Variants in KCNIP1 observed in about 807,000 individuals in gnomAD.
KCNIP1 encodes the protein potassium voltage-gated channel interacting protein 1.
KCNIP1 carries 18 observed loss-of-function variants against 33.0 expected under a neutral mutation model. The ratio of observed to expected loss-of-function variants is 0.55; its 90% CI spans 0.38 to 0.81. The LOEUF (loss-of-function observed/expected upper bound fraction) is 0.81, where lower values mean the gene tolerates loss of function less well. Among genes scored for constraint, KCNIP1 ranks in the 30% least tolerant of loss-of-function variants. The pLI is 0.00. For missense variants in KCNIP1, 238 were observed against 271.6 expected, an observed-to-expected ratio of 0.88 and a Z score of 0.87; for synonymous variants, 93 against 98.3, an observed-to-expected ratio of 0.95 and a Z score of 0.32.
intron 1 of KCNIP1, among the ~76,000 whole-genome samples, chr5:170,544,792 T>C (rs1756352402): frequency 6.6e-6 from 1 of 152,204 alleles, no homozygotes; most frequent in African/African-American, 2.4e-5. Context: ...GACTTTTACT[T>C]CTTCCTGAAC....
intron 1 of KCNIP1, among the ~76,000 whole-genome samples, chr5:170,532,533 TTCTCTC>T (rs1004257642): frequency 2.0e-5 from 3 of 152,050 alleles, no homozygotes; most frequent in Admixed American, 6.5e-5. Flanking sequence ...TGCTCTCTCT[TTCTCTC>T]TCTCTCTAAC....
chr5:170,651,215 T>C (rs574759021), intron 1 of KCNIP1, among the ~76,000 whole-genome samples: 3 of 152,174 alleles, frequency 2.0e-5, no homozygotes, highest in African/African-American at 7.2e-5. Context: ...ACTAGACAAG[T>C]CACCAAGAGA....
At chr5:170,701,693 T>C (rs369272191) in intron 1 of KCNIP1, among the ~76,000 whole-genome samples, 1 of 152,156 alleles carries the variant, frequency 6.6e-6, no homozygotes, top group East Asian at 1.9e-4. Flanking sequence ...GGCTCCCCCA[T>C]GAGTGGGGAG....
At chr5:170,565,991 T>A (rs1445220844) in intron 1 of KCNIP1, among the ~76,000 whole-genome samples, 1 of 152,144 alleles carries the variant, frequency 6.6e-6, no homozygotes, top group Non-Finnish European at 1.5e-5. Context: ...AGGACAATTA[T>A]GGGGGAAACT....
rs757125131 is a variant in KCNIP1, at chr5:170,390,511, AAAACAAATATAT to A, written c.88+36549_88+36560del. On this transcript the variant is annotated intron_variant, in intron 1 of 7. Transcript: ENST00000377360. ...GAGCGAGACCCCGTCTCAAAAAAAAAAAACAAATATATATATATATATATATATTTTCAACAA... is the reference window on the plus strand; with the variant it reads ...GAGCGAGACCCCGTCTCAAAAAAAAAATATATATATATATATTTTCAACAA... Among the ~76,000 whole-genome samples, 44 of 62,370 alleles carry A rather than the reference AAAACAAATATAT, an allele frequency of 7.1e-4. 4 individuals carry two copies. The highest frequency in any genetic ancestry group is 5.3e-3 in the East Asian group (10 of 1,874). The allele number at this position is 62,370 out of a possible 152,430, so 40.9% of individuals were successfully genotyped here. A position where few individuals can be genotyped will look rare whatever the true frequency, so the allele number is the denominator to read the frequency against.
chr5:170,660,371 TAAAAA>T (rs61001714), intron 1 of KCNIP1, among the ~76,000 whole-genome samples: 2 of 137,896 alleles, frequency 1.5e-5, no homozygotes, highest in African/African-American at 5.1e-5. Context: ...ATGATTTTTA[TAAAAA>T]AAAAAAAAAA....
chr5:170,497,489 C>G (rs1233546396), intron 1 of KCNIP1, among the ~76,000 whole-genome samples: 1 of 152,134 alleles, frequency 6.6e-6, no homozygotes, highest in Non-Finnish European at 1.5e-5. Flanking sequence ...TGGGGAGAGT[C>G]TGAAATTCTA....
chr5:170,729,672 TA>T (rs1239031009), intron 5 of KCNIP1, among the ~76,000 whole-genome samples: 1 of 152,118 alleles, frequency 6.6e-6, no homozygotes, highest in Non-Finnish European at 1.5e-5. Flanking sequence ...TGTATATCTT[TA>T]AAAACAATGA....
At chr5:170,371,382 G>T (rs1346833725) in intron 1 of KCNIP1, among the ~76,000 whole-genome samples, 1 of 152,184 alleles carries the variant, frequency 6.6e-6, no homozygotes, top group Non-Finnish European at 1.5e-5. Context: ...CCTGGGCTCT[G>T]TGATGGAAAG....
intron 1 of KCNIP1, among the ~76,000 whole-genome samples, chr5:170,578,986 A>C (rs976185827): frequency 6.6e-6 from 1 of 152,136 alleles, no homozygotes; most frequent in Non-Finnish European, 1.5e-5. Flanking sequence ...GAGCATAGGG[A>C]GTTATCTGGA....
intron 1 of KCNIP1, among the ~76,000 whole-genome samples, chr5:170,436,763 C>A (rs760881682): frequency 6.6e-6 from 1 of 152,144 alleles, no homozygotes; most frequent in African/African-American, 2.4e-5. Context: ...CCAGTCTAGA[C>A]CTAGAAGAAT....
At position 170,410,544 on chromosome 5, in the gene KCNIP1, CA is replaced by C. The variant is rs1226625546; in HGVS notation, c.88+56582del. ...TTTTAGCTCATCTTCTGTTTTGGAC[CA>C]ATTAAAATAAAGGCATTTTAAATAG... is the stretch of plus-strand genomic sequence containing the variant. On this transcript the variant is annotated intron_variant, in intron 1 of 7. Coordinates refer to the KCNIP1 transcript ENST00000377360. Among the ~76,000 whole-genome samples, 3 of 151,970 alleles carry C rather than the reference CA, an allele frequency of 2.0e-5. No individual in the cohort carries two copies. In the East Asian group the frequency reaches 5.8e-4, roughly 29 times the overall value.
chr5:170,452,714 A>T (rs1756283177), intron 1 of KCNIP1, among the ~76,000 whole-genome samples: 1 of 152,200 alleles, frequency 6.6e-6, no homozygotes, highest in South Asian at 2.1e-4. Flanking sequence ...TATCCTGACA[A>T]AGAAGCGAAC....
chr5:170,568,648 T>TA (rs33992187), intron 1 of KCNIP1, among the ~76,000 whole-genome samples: 733 of 43,710 alleles, frequency 0.017, 31 homozygotes, highest in East Asian at 0.043. Flanking sequence ...CCGTTTCTAC[T>TA]AAAAAAAAAA....
intron 1 of KCNIP1, among the ~76,000 whole-genome samples, chr5:170,390,981 C>A (rs1754569655): frequency 6.6e-6 from 1 of 152,100 alleles, no homozygotes; most frequent in South Asian, 2.1e-4. Context: ...GCGGTGAGTG[C>A]CCTTCTCCAC....
At chr5:170,508,363 C>T (rs1483212092) in intron 1 of KCNIP1, among the ~76,000 whole-genome samples, 5 of 152,114 alleles carry the variant, frequency 3.3e-5, no homozygotes, top group African/African-American at 1.2e-4. Context: ...GGAATGTTCC[C>T]GATAGTCCCA....
intron 1 of KCNIP1, among the ~76,000 whole-genome samples, chr5:170,538,869 C>T (rs1460752958): frequency 1.3e-5 from 2 of 151,772 alleles, no homozygotes; most frequent in African/African-American, 2.4e-5. Context: ...CAATATTATT[C>T]AATGAGTCCA....
intron 1 of KCNIP1, chr5:170,385,176 C>T: frequency 1.0e-6 from 1 of 954,894 alleles, no homozygotes; most frequent in Non-Finnish European, 1.6e-6. Context: ...ACCCTAGAAC[C>T]TAAGAATGAG....
At chr5:170,468,590 A>G (rs1403946081) in intron 1 of KCNIP1, among the ~76,000 whole-genome samples, 1 of 152,160 alleles carries the variant, frequency 6.6e-6, no homozygotes, top group African/African-American at 2.4e-5. Flanking sequence ...TATTTAAAAA[A>G]TATCATTAGG....
Sources: allele counts gnomAD v4.1 joint callset (sites outside exome capture counted in the v4.1 genomes callset), GRCh38; gene constraint gnomAD v4.1.1; transcripts MANE v1.5; gene names NCBI Gene and HGNC (gene_info 2026-07-23, HGNC 2026-07-21).